The following GPAT4 variants were observed in gnomAD, a reference collection of about 807,000 sequenced individuals.
GPAT4 encodes glycerol-3-phosphate acyltransferase 4.
GPAT4 carries 17 observed loss-of-function variants against 58.0 expected under a neutral mutation model. That is an observed-to-expected ratio of 0.29 (90% CI 0.20 to 0.44). The LOEUF (loss-of-function observed/expected upper bound fraction) is 0.44. GPAT4 is among the 20% of genes least tolerant of loss of function. The pLI, the probability that GPAT4 is intolerant of heterozygous loss-of-function variation, is 1.00. For missense variants in GPAT4, 377 were observed against 574.5 expected, an observed-to-expected ratio of 0.66 and a Z score of 3.51; for synonymous variants, 204 against 210.1, an observed-to-expected ratio of 0.97 and a Z score of 0.25.
At chr8:41,613,334 T>G (rs1803497509) in intron 8 of GPAT4, among the ~76,000 whole-genome samples, 1 of 152,042 alleles carries the variant, frequency 6.6e-6, no homozygotes, top group Non-Finnish European at 1.5e-5. Flanking sequence ...TGCAGTGAGC[T>G]GAGATCGCGC....
At chr8:41,609,134 G>C (rs1803364724) in intron 2 of GPAT4, among the ~76,000 whole-genome samples, 1 of 152,248 alleles carries the variant, frequency 6.6e-6, no homozygotes, top group Non-Finnish European at 1.5e-5. Flanking sequence ...ACAGCCCGGA[G>C]ACAGAGAGAC....
rs1396151032 is a variant in GPAT4 at position 41,610,033 on chromosome 8, G to GT, written c.536+79dup. On this transcript the variant is annotated intron_variant, in intron 4 of 12. Coordinates refer to ENST00000396987, the MANE Select transcript of GPAT4 (RefSeq NM_178819.4). ...ACAGCCCACCTGCCTGCTCTGCTGT[G>GT]TATTCCCGTTTTAGAAAGGAGGAGG... 7.9e-6 allele frequency: 12 copies of GT among 1,519,470 alleles called. No homozygotes were observed. The African/African-American group carries it at 1.7e-4, about 21-fold the overall frequency. 94.1% of individuals were successfully genotyped at this position (1,519,470 alleles called of 1,614,324 possible). A position where few individuals can be genotyped will look rare whatever the true frequency, so the allele number is the denominator to read the frequency against.
intron 12 of GPAT4, among the ~76,000 whole-genome samples, chr8:41,620,383 C>T (rs1006764238): frequency 3.3e-5 from 5 of 152,188 alleles, no homozygotes; most frequent in Admixed American, 6.5e-5. Flanking sequence ...CCATTCCTGA[C>T]GGCACTCTTT....
At chr8:41,612,390 C>G (rs1419811876) in intron 7 of GPAT4, 117 bp downstream of exon 7, 1 of 945,276 alleles carries the variant, frequency 1.1e-6, no homozygotes, top group South Asian at 1.6e-5. Context: ...AGGCCCCCAC[C>G]TTACTGTCAC....
chr8:41,578,650 C>T (rs1356483720), intron 1 of GPAT4: 1 of 152,348 alleles, frequency 6.6e-6, no homozygotes, highest in Non-Finnish European at 1.5e-5. Context: ...GTTGGAGCAC[C>T]AGGAAGCGCC....
At chr8:41,606,573 G>T (rs150390406) in intron 2 of GPAT4, among the ~76,000 whole-genome samples, 19 of 151,752 alleles carry the variant, frequency 1.3e-4, no homozygotes, top group African/African-American at 1.2e-4. Context: ...ATTAATAAAA[G>T]AAAAGACGTA....
At chr8:41,604,507 G>A (rs1324444748) in intron 2 of GPAT4, among the ~76,000 whole-genome samples, 1 of 152,218 alleles carries the variant, frequency 6.6e-6, no homozygotes, top group Non-Finnish European at 1.5e-5. Context: ...CTTAATGTTT[G>A]TGCTTCACAT....
chr8:41,601,481 C>G (rs571592130), intron 2 of GPAT4, among the ~76,000 whole-genome samples: 1 of 152,184 alleles, frequency 6.6e-6, no homozygotes, highest in Non-Finnish European at 1.5e-5. Context: ...TGAAAAACAT[C>G]TATCAGGATA....
chr8:41,588,123 C>T (rs1802701643), intron 1 of GPAT4, among the ~76,000 whole-genome samples: 1 of 152,180 alleles, frequency 6.6e-6, no homozygotes, highest in Non-Finnish European at 1.5e-5. Flanking sequence ...GACTGAGTTT[C>T]TTCTGATTCT....
At chr8:41,617,739 G>A (rs1177312758) in intron 10 of GPAT4, among the ~76,000 whole-genome samples, 1 of 152,204 alleles carries the variant, frequency 6.6e-6, no homozygotes, top group Non-Finnish European at 1.5e-5. Flanking sequence ...CAGCATGGCC[G>A]TGTGGCATAA....
Position 41,612,828 on chromosome 8 carries a change from C to G in GPAT4, c.796-17C>G. ...GAAGATGGCTTCACTACTAATGAGT[C>G]CTGTGCCTGCGCTTAGGTGGGTCAA... On this transcript the variant is annotated splice_polypyrimidine_tract_variant and intron_variant, in intron 7 of 12. Coordinates refer to ENST00000396987, the MANE Select transcript of GPAT4 (RefSeq NM_178819.4). 6.2e-7 allele frequency: 1 copy of G among 1,610,324 alleles called. No homozygotes were observed. The highest frequency in any genetic ancestry group is 8.5e-7 in the Non-Finnish European group (1 of 1,177,186).
At chr8:41,603,066 C>G (rs1803148330) in intron 2 of GPAT4, among the ~76,000 whole-genome samples, 1 of 152,148 alleles carries the variant, frequency 6.6e-6, no homozygotes, top group South Asian at 2.1e-4. Flanking sequence ...AGCATTTATT[C>G]TCTAGCAAGG....
At chr8:41,593,196 G>A (rs1252559884) in intron 1 of GPAT4, among the ~76,000 whole-genome samples, 2 of 151,954 alleles carry the variant, frequency 1.3e-5, no homozygotes, top group East Asian at 1.9e-4. Context: ...TATCACTTAC[G>A]AGTCCCCACC....
chr8:41,601,918 C>T (rs1803111079), intron 2 of GPAT4, among the ~76,000 whole-genome samples: 1 of 151,894 alleles, frequency 6.6e-6, no homozygotes, highest in South Asian at 2.1e-4. Flanking sequence ...CTATTTGAAG[C>T]CACATCTTGA....
chr8:41,615,326 C>T (rs12677439), intron 10 of GPAT4, among the ~76,000 whole-genome samples: 35,104 of 152,018 alleles, frequency 0.23, 4,090 homozygotes, highest in East Asian at 0.29. Context: ...AAGCCCTTCA[C>T]TTATTACCTT....
chr8:41,612,371 G>GCGT, intron 7 of GPAT4, 98 bp downstream of exon 7: 1 of 1,214,422 alleles, frequency 8.2e-7, no homozygotes, highest in East Asian at 2.4e-5. Context: ...ACACATTTAT[G>GCGT]CGTGGGCCAG....
intron 1 of GPAT4, 148 bp downstream of exon 1, chr8:41,578,426 T>TC (rs945719337): frequency 6.6e-6 from 1 of 151,576 alleles, no homozygotes; most frequent in Non-Finnish European, 1.5e-5. Flanking sequence ...GGAGGCACCA[T>TC]CGCCGCGCCC....
chr8:41,583,824 C>T (rs1042439159), intron 1 of GPAT4, among the ~76,000 whole-genome samples: 1 of 152,294 alleles, frequency 6.6e-6, no homozygotes, highest in African/African-American at 2.4e-5. Flanking sequence ...TTTCTTTGCA[C>T]AATTAGAAGT....
intron 2 of GPAT4, among the ~76,000 whole-genome samples, chr8:41,601,901 A>T (rs1294104493): frequency 6.6e-6 from 1 of 152,326 alleles, no homozygotes; most frequent in Non-Finnish European, 1.5e-5. Flanking sequence ...TCTTGAACCA[A>T]CAGAGACTAT....
Sources: gnomAD v4.1 joint callset for allele counts (sites outside exome capture counted in the v4.1 genomes callset) on GRCh38, gnomAD v4.1.1 for gene constraint, MANE v1.5 for transcripts, NCBI Gene and HGNC (gene_info 2026-07-23, HGNC 2026-07-21) for gene names.